The following USP54 variants were observed in gnomAD, a reference collection of about 807,000 sequenced individuals.
USP54 encodes ubiquitin carboxyl-terminal hydrolase 54.
USP54 carries 87 observed loss-of-function variants against 170.5 expected under a neutral mutation model. That is an observed-to-expected ratio of 0.51 (90% CI 0.43 to 0.61). The LOEUF (loss-of-function observed/expected upper bound fraction) is 0.61, where lower values mean the gene tolerates loss of function less well. USP54 is among the 20% of genes least tolerant of loss of function. The pLI, the probability that USP54 is intolerant of heterozygous loss-of-function variation, is 0.00. For synonymous variants in USP54, 655 were observed against 742.8 expected, an observed-to-expected ratio of 0.88 and a Z score of 1.92; for missense variants, 1,786 against 2,047.8, an observed-to-expected ratio of 0.87 and a Z score of 2.47.
chr10:73,608,575 C>T (rs1022580880), intron 1 of USP54, among the ~76,000 whole-genome samples: 2 of 152,236 alleles, frequency 1.3e-5, no homozygotes. Context: ...CCTAATCTCA[C>T]AGATAAGGGA....
intron 21 of USP54, 119 bp downstream of exon 21, chr10:73,505,189 C>T: frequency 8.1e-7 from 1 of 1,240,126 alleles, no homozygotes; most frequent in South Asian, 1.4e-5. Flanking sequence ...ACCTTATTTT[C>T]TTCTGATAGC....
intron 20 of USP54, among the ~76,000 whole-genome samples, chr10:73,511,335 A>C: frequency 6.6e-6 from 1 of 151,940 alleles, no homozygotes; most frequent in East Asian, 1.9e-4. Context: ...CATATCAATA[A>C]AGCATTTTTT....
chr10:73,527,398 T>A (rs1397250416), intron 15 of USP54, among the ~76,000 whole-genome samples: 1 of 148,812 alleles, frequency 6.7e-6, no homozygotes, highest in Non-Finnish European at 1.5e-5. Context: ...CTAGGGAGGC[T>A]GAGGCAGGAG....
chr10:73,528,673 G>A (rs948588015), intron 15 of USP54, among the ~76,000 whole-genome samples: 2 of 150,852 alleles, frequency 1.3e-5, no homozygotes, highest in African/African-American at 4.9e-5. Flanking sequence ...GGATTCCAGC[G>A]ATTCTCCTGC....
chr10:73,517,743 G>T lies in USP54; in HGVS notation c.2683C>A (p.Gln895Lys). Residue 895 changes from glutamine (Q) to lysine (K), a missense_variant, in exon 20 of 24, where the codon CAG becomes AAG. Gln to Lys is a moderately conservative substitution (Grantham distance 53). Coordinates refer to ENST00000687698, the MANE Select transcript of USP54 (RefSeq NM_001391956.1). The stretch of plus-strand genomic sequence containing the variant: ...AACAATACTTGGAGCGGGATAGGCT[G>T]TTCACTGAAACAAATGGAGAGAGCT... ...AGTLSQPTSEQPIPLQVLLSQ... is the reference protein window; with the variant it reads ...AGTLSQPTSEKPIPLQVLLSQ... 1 of 1,608,478 alleles carries T rather than the reference G, an allele frequency of 6.2e-7. No homozygotes were observed. Among genetic ancestry groups the T allele is most frequent in the Non-Finnish European group, 8.5e-7 (1 of 1,177,012 alleles).
chr10:73,608,498 T>G (rs983473963), intron 1 of USP54, among the ~76,000 whole-genome samples: 2 of 152,190 alleles, frequency 1.3e-5, no homozygotes, highest in Admixed American at 1.3e-4. Context: ...CCTATAACAT[T>G]ATGGCTACTG....
chr10:73,606,492 G>A (rs1244447252), intron 1 of USP54: 1 of 152,056 alleles, frequency 6.6e-6, no homozygotes, highest in African/African-American at 2.4e-5. Context: ...GATGTTGAGA[G>A]AGAAACACTC....
At chr10:73,587,986 C>T (rs147566601) in intron 1 of USP54, among the ~76,000 whole-genome samples, 3 of 152,148 alleles carry the variant, frequency 2.0e-5, no homozygotes, top group Non-Finnish European at 2.9e-5. Flanking sequence ...AGGTACAAAA[C>T]AGGAATTCCA....
intron 1 of USP54, among the ~76,000 whole-genome samples, chr10:73,582,667 C>T (rs1024577588): frequency 1.3e-5 from 2 of 152,154 alleles, no homozygotes; most frequent in South Asian, 2.1e-4. Flanking sequence ...GTGAACCATG[C>T]GGTGGCACAG....
At chr10:73,588,815 C>T (rs1156849525) in intron 1 of USP54, among the ~76,000 whole-genome samples, 4 of 152,152 alleles carry the variant, frequency 2.6e-5, no homozygotes, top group Non-Finnish European at 5.9e-5. Context: ...TTTTGTATTT[C>T]TCAATCAACG....
intron 1 of USP54, among the ~76,000 whole-genome samples, chr10:73,584,072 T>C (rs2077196596): frequency 6.6e-6 from 1 of 152,144 alleles, no homozygotes; most frequent in Non-Finnish European, 1.5e-5. Context: ...TAAAGGTAGA[T>C]GGACCAAGAT....
chr10:73,592,327 G>C (rs557810743), upstream of USP54, among the ~76,000 whole-genome samples: 1 of 151,998 alleles, frequency 6.6e-6, no homozygotes, highest in Non-Finnish European at 1.5e-5. Flanking sequence ...GAAAATATAC[G>C]AGTTGACTAA....
chr10:73,527,742 A>G (rs749560760), intron 15 of USP54, among the ~76,000 whole-genome samples: 14 of 150,020 alleles, frequency 9.3e-5, no homozygotes, highest in Non-Finnish European at 1.8e-4. Context: ...ACTCACACCT[A>G]TAATCTCAGT....
Position 73,500,766 on chromosome 10 carries a change from G to A in USP54, c.4384C>T (p.His1462Tyr). The A allele has an allele frequency of 3.1e-6, 5 of 1,601,818 alleles. No homozygotes were observed. The highest frequency in any genetic ancestry group is 4.3e-6 in the Non-Finnish European group (5 of 1,175,722). ...CCGAGGAGAAACACAGAAGGGTCAT[G>A]GATGACAGGGAGGGAAGAGGAGCTG... ...CSSSSSLPVI[H>Y]DPSVFLLGPQ... Residue 1462 changes from histidine to tyrosine, a missense_variant, in exon 23 of 24, where the codon CAT (histidine) becomes TAT (tyrosine). Around this residue, in one of 3 missense-constraint regions of USP54, gnomAD observed 1,418 missense variants for 1,569.0 expected, o/e 0.90. Transcript: ENST00000687698.
chr10:73,549,501 C>T (rs984570878), intron 4 of USP54, among the ~76,000 whole-genome samples: 7 of 152,138 alleles, frequency 4.6e-5, no homozygotes, highest in South Asian at 2.1e-4. Context: ...CAGTAAACAC[C>T]GCCACCATCC....
chr10:73,514,172 G>A (rs936607562), intron 20 of USP54, among the ~76,000 whole-genome samples: 1 of 151,990 alleles, frequency 6.6e-6, no homozygotes, highest in African/African-American at 2.4e-5. Context: ...TAGCCAGGAT[G>A]GTCTCAATCT....
chr10:73,607,747 C>T (rs895765536), intron 1 of USP54, among the ~76,000 whole-genome samples: 5 of 150,812 alleles, frequency 3.3e-5, no homozygotes, highest in Non-Finnish European at 7.4e-5. Context: ...ACGAGAATTG[C>T]TTGAACCCGG....
chr10:73,621,610 A>C (rs2081101976), intron 1 of USP54, among the ~76,000 whole-genome samples: 2 of 151,942 alleles, frequency 1.3e-5, no homozygotes, highest in African/African-American at 4.8e-5. Context: ...AAAAAAAAAA[A>C]AAAAAAAAAC....
At chr10:73,552,153 TTA>T (rs758628115) in intron 4 of USP54, among the ~76,000 whole-genome samples, 33 of 152,118 alleles carry the variant, frequency 2.2e-4, no homozygotes, top group Admixed American at 3.9e-4. Flanking sequence ...CTCGGGTAAA[TTA>T]TTTAACTTCT....
Sources: allele counts gnomAD v4.1 joint callset (sites outside exome capture counted in the v4.1 genomes callset), GRCh38; gene constraint gnomAD v4.1.1; regional missense constraint gnomAD v4.1.1; transcripts MANE v1.5; gene names NCBI Gene and HGNC (gene_info 2026-07-23, HGNC 2026-07-21).